SLC5A6: variants seen among roughly 807,000 people sequenced by gnomAD.
The protein encoded by SLC5A6 is solute carrier family 5 member 6.
A neutral mutation model predicts 67.9 loss-of-function variants in SLC5A6; 31 were observed. That is an observed-to-expected ratio of 0.46 (90% CI 0.34 to 0.62). SLC5A6 has a LOEUF of 0.62. SLC5A6 is among the 20% of genes least tolerant of loss of function. The pLI, the probability that SLC5A6 is intolerant of heterozygous loss-of-function variation, is 0.01. For missense variants in SLC5A6, 673 were observed against 812.8 expected, an observed-to-expected ratio of 0.83 and a Z score of 2.09; for synonymous variants, 343 against 331.0, an observed-to-expected ratio of 1.04 and a Z score of -0.39.
intron 15 of SLC5A6, 115 bp downstream of exon 15, chr2:27,201,235 C>CT: frequency 2.0e-6 from 2 of 978,418 alleles, no homozygotes; most frequent in South Asian, 3.0e-5. Context: ...GCAGAAAAGC[C>CT]TGACAGCTAC....
At chr2:27,211,381 A>G (rs1674489074) in intron 2 of SLC5A6, 86 bp downstream of exon 2, 1 of 152,172 alleles carries the variant, frequency 6.6e-6, no homozygotes, top group Non-Finnish European at 1.5e-5. Context: ...GGCCCTAACC[A>G]ACACTGTCGC....
At chr2:27,200,857 C>A (rs557136272) in intron 16 of SLC5A6, 141 bp downstream of exon 16, 2 of 638,220 alleles carry the variant, frequency 3.1e-6, no homozygotes, top group Admixed American at 5.7e-5. Flanking sequence ...CTGAGACAGC[C>A]GTGTGGGACA....
chr2:27,200,479 T>TG lies in SLC5A6; in HGVS notation c.1864dup (p.Gln622ProfsTer52), dbSNP rs1381588778. ...GAGGATGCAGGTGGAGCTGCTCCCC[T>TG]GATAGGCTGTGCCATCCAGGGCCAT... On this transcript the variant is annotated frameshift_variant, in exon 17 of 17. Coordinates refer to ENST00000310574, the MANE Select transcript of SLC5A6 (RefSeq NM_021095.4). LOFTEE classifies it high-confidence loss of function. 2.5e-6 allele frequency: 4 copies of TG among 1,613,846 alleles called. No individual in the cohort carries two copies. The South Asian group carries it at 4.4e-5, about 18-fold the overall frequency.
chr2:27,211,565 C>G (rs1674504511), intron 1 of SLC5A6, 32 bp from the exon 2 acceptor site: 1 of 152,704 alleles, frequency 6.5e-6, no homozygotes, highest in African/African-American at 2.4e-5. Context: ...GTTAGGGAAG[C>G]GTCTATCCCG....
At position 27,212,046 on chromosome 2, in the gene SLC5A6, T is replaced by C. The variant is rs1674569520; in HGVS notation, c.-234A>G. On this transcript the variant is annotated 5_prime_UTR_variant, in exon 1 of 17. Transcript: ENST00000310574. ...GAGGGCGGATGGAGGGGCCCGAGTT[T>C]CTGCGAAGCCGCGACCTCGGCGTCC... is the stretch of plus-strand genomic sequence containing the variant. The C allele has an allele frequency of 4.1e-6, 4 of 973,744 alleles. No homozygotes were observed. Among genetic ancestry groups the C allele is most frequent in the Non-Finnish European group, 5.8e-6 (4 of 685,798 alleles). The allele number at this position is 973,744 out of a possible 1,614,324, so 60.3% of individuals were successfully genotyped here. A position where few individuals can be genotyped will look rare whatever the true frequency, so the allele number is the denominator to read the frequency against.
intron 11 of SLC5A6, 130 bp from the exon 12 acceptor site, chr2:27,203,010 G>A (rs1272724286): frequency 1.7e-5 from 26 of 1,521,454 alleles, no homozygotes; most frequent in South Asian, 5.3e-5. Flanking sequence ...ATTACATCAC[G>A]CCCCAGCTTC....
intron 7 of SLC5A6, 191 bp downstream of exon 7, chr2:27,205,159 C>G (rs1013920806): frequency 1.4e-6 from 1 of 713,012 alleles, no homozygotes; most frequent in Non-Finnish European, 2.3e-6. Context: ...AGGTAATGTC[C>G]TGACTCTCTA....
Position 27,207,554 on chromosome 2 carries a change from C to A in SLC5A6, c.97G>T (p.Val33Phe). The A allele has an allele frequency of 6.2e-7, 1 of 1,614,224 alleles. No homozygotes were observed. Among genetic ancestry groups the A allele is most frequent in the Non-Finnish European group, 8.5e-7 (1 of 1,180,044 alleles). ...TFSIMDYVVF[V>F]LLLVLSLAIG... is the part of the protein sequence containing the mutation. ...GCAAGAGAGAGAACCAGCAGCAGGA[C>A]GAACACCACATAGTCCATGATGGAG... is the stretch of plus-strand genomic sequence containing the variant. The change falls in exon 3 of 17, where the codon GTC (valine) becomes TTC (phenylalanine). Residue 33 changes from valine to phenylalanine, a missense_variant. By Grantham distance (50) the Val-to-Phe change is conservative. Coordinates refer to ENST00000310574, the MANE Select transcript of SLC5A6 (RefSeq NM_021095.4). The surrounding 1 kb of genome is among the most constrained non-coding windows in gnomAD (Gnocchi z 5.5).
At chr2:27,206,661 C>T in intron 4 of SLC5A6, 127 bp from the exon 5 acceptor site, 1 of 1,010,686 alleles carries the variant, frequency 9.9e-7, no homozygotes, top group East Asian at 2.4e-5. Context: ...TCTTCCTTCT[C>T]CTCTCAAATT....
At chr2:27,210,596 A>T (rs1431563614) in intron 2 of SLC5A6, among the ~76,000 whole-genome samples, 1 of 150,164 alleles carries the variant, frequency 6.7e-6, no homozygotes, top group Admixed American at 6.6e-5. Context: ...GCGCCCAGCT[A>T]ATTTTTTTTT....
chr2:27,206,961 A>C lies in SLC5A6; in HGVS notation c.394-19T>G. Reference sequence around the variant, plus strand: ...CCAGGTACTGGGTATACAGAAAAAAAGATTTTTCTCCTGACTTCACCCCGA... The same window carrying C: ...CCAGGTACTGGGTATACAGAAAAAACGATTTTTCTCCTGACTTCACCCCGA... On this transcript the variant is annotated intron_variant, in intron 3 of 16. Coordinates refer to ENST00000310574, the MANE Select transcript of SLC5A6 (RefSeq NM_021095.4). 6 of 1,600,026 alleles carry C rather than the reference A, an allele frequency of 3.7e-6. No individual in the cohort carries two copies. Among genetic ancestry groups the C allele is most frequent in the Non-Finnish European group, 5.1e-6 (6 of 1,167,192 alleles).
At chr2:27,202,748 A>G (rs1673751170) in intron 12 of SLC5A6, 65 bp downstream of exon 12, 4 of 1,417,530 alleles carry the variant, frequency 2.8e-6, no homozygotes, top group Middle Eastern at 1.8e-4. Flanking sequence ...TGCCCTTCTC[A>G]ACTTCCTGTT....
chr2:27,212,145 C>T lies in SLC5A6; in HGVS notation c.-333G>A, dbSNP rs1160919330. On this transcript the variant is annotated 5_prime_UTR_variant, in exon 1 of 17. Transcript: ENST00000310574. ...GCCGCGCGGCGACGGGGGAGGCCTT[C>T]ACTAAAGGGGAAAAGGAAGAGGGGG... is the stretch of plus-strand genomic sequence containing the variant. The T allele has an allele frequency of 1.2e-5, 18 of 1,526,440 alleles. No homozygotes were observed. Among genetic ancestry groups the T allele is most frequent in the Non-Finnish European group, 1.6e-5 (18 of 1,139,622 alleles). The allele number at this position is 1,526,440 out of a possible 1,614,324, so 94.6% of individuals were successfully genotyped here.
chr2:27,212,629 G>T, upstream of SLC5A6: 1 of 1,413,822 alleles, frequency 7.1e-7, no homozygotes, highest in South Asian at 1.6e-5. Context: ...AAGTACTCAC[G>T]TCGTGCAGGC....
chr2:27,211,325 C>T (rs1352701611), intron 2 of SLC5A6, 142 bp downstream of exon 2: 1 of 152,248 alleles, frequency 6.6e-6, no homozygotes, highest in Non-Finnish European at 1.5e-5. Flanking sequence ...CCTGGCTCGG[C>T]TACTCGAGAT....
rs1206989368 is a variant in SLC5A6 at position 27,207,461 on chromosome 2, G to A, written c.190C>T (p.Arg64Cys). The A allele has an allele frequency of 1.1e-5, 17 of 1,614,006 alleles. No homozygotes were observed. The highest frequency in any genetic ancestry group is 2.2e-5 in the South Asian group (2 of 91,086). ...HTVGELLMAD[R>C]KMGCLPVALS... ...GCCACCGGAAGGCAGCCCATTTTGCGGTCCGCCATCAGCAGCTCACCAACA... is the reference window on the plus strand; with the variant it reads ...GCCACCGGAAGGCAGCCCATTTTGCAGTCCGCCATCAGCAGCTCACCAACA... Residue 64 changes from arginine to cysteine, a missense_variant, in exon 3 of 17, where the codon CGC becomes TGC. Coordinates refer to ENST00000310574, the MANE Select transcript of SLC5A6 (RefSeq NM_021095.4). This position sits in a 1 kb window ranked among gnomAD's most constrained non-coding sequence, Gnocchi z 5.5.
Position 27,201,838 on chromosome 2 carries a change from C to T in SLC5A6, c.1372G>A (p.Val458Met), listed in dbSNP as rs768739418. The change falls in exon 14 of 17, where the codon GTG becomes ATG. Residue 458 changes from valine to methionine, a missense_variant. By Grantham distance (21) the Val-to-Met change is conservative. Transcript: ENST00000310574. ...FPCANPPGAV[V>M]GLLAGLVMAF... ...ATGACGAGCCCAGCCAACAGGCCCA[C>T]AACAGCACCCTGCCGAGACACAGTG... is the stretch of plus-strand genomic sequence containing the variant. 4 of 1,613,918 alleles carry T rather than the reference C, an allele frequency of 2.5e-6. No individual in the cohort carries two copies. In the East Asian group the frequency reaches 8.9e-5, roughly 36 times the overall value.
chr2:27,212,158 A>G lies in SLC5A6; in HGVS notation c.-346T>C, dbSNP rs1329555252. ...GGGGGAGGCCTTCACTAAAGGGGAA[A>G]AGGAAGAGGGGGTCGGCCAGTATCC... On this transcript the variant is annotated 5_prime_UTR_variant, in exon 1 of 17. Transcript: ENST00000310574. 6.5e-7 allele frequency: 1 copy of G among 1,533,360 alleles called. No individual in the cohort carries two copies. Among genetic ancestry groups the G allele is most frequent in the Non-Finnish European group, 8.8e-7 (1 of 1,141,748 alleles). 95.0% of individuals were successfully genotyped at this position (1,533,360 alleles called of 1,614,324 possible). A position where few individuals can be genotyped will look rare whatever the true frequency, so the allele number is the denominator to read the frequency against.
In SLC5A6 at chr2:27,212,234, G is replaced by C; in HGVS notation, c.-422C>G. ...GACCAGCGCAGAGCTCCACGAGCAG[G>C]AAAAGCCCCCAAGCAGCCCCAGGGC... On this transcript the variant is annotated 5_prime_UTR_variant, in exon 1 of 17. Coordinates refer to ENST00000310574, the MANE Select transcript of SLC5A6 (RefSeq NM_021095.4). 1 of 1,561,382 alleles carries C rather than the reference G, an allele frequency of 6.4e-7. No homozygotes were observed. The highest frequency in any genetic ancestry group is 2.3e-5 in the East Asian group (1 of 42,726).
Sources: gnomAD v4.1 joint callset for allele counts (sites outside exome capture counted in the v4.1 genomes callset) on GRCh38, gnomAD v4.1.1 for gene constraint, Gnocchi (gnomAD v3.1) non-coding constraint, MANE v1.5 for transcripts, NCBI Gene and HGNC (gene_info 2026-07-23, HGNC 2026-07-21) for gene names.